The following SCD5 variants were observed in gnomAD, a reference collection of about 807,000 sequenced individuals.
The protein encoded by SCD5 is acyl-CoA-desaturase 4.
A neutral mutation model predicts 30.4 loss-of-function variants in SCD5; 20 were observed. The ratio of observed to expected loss-of-function variants is 0.66; its 90% confidence interval spans 0.46 to 0.96. The LOEUF is 0.96. SCD5 is among the 40% of genes least tolerant of loss of function. SCD5 has a pLI of 0.00. For missense variants in SCD5, 381 were observed against 443.3 expected (o/e 0.86, Z 1.26); for synonymous variants, 173 against 176.4 (o/e 0.98, Z 0.16).
At chr4:82,752,273 T>TTATATATATATATATATATATATA (rs139910934) in intron 1 of SCD5, among the ~76,000 whole-genome samples, 6 of 145,648 alleles carry the variant, frequency 4.1e-5, no homozygotes, top group African/African-American at 1.5e-4. Flanking sequence ...TTTTAAAAAA[T>TTATATATATATATATATATATATA]TATATATATA....
At chr4:82,704,526 T>C (rs1719928542) in intron 2 of SCD5, among the ~76,000 whole-genome samples, 1 of 152,184 alleles carries the variant, frequency 6.6e-6, no homozygotes. Flanking sequence ...TCTTAAAGAA[T>C]ATGGCCCAAT....
At chr4:82,746,953 G>GA (rs1720999220) in intron 1 of SCD5, among the ~76,000 whole-genome samples, 1 of 151,398 alleles carries the variant, frequency 6.6e-6, no homozygotes, top group African/African-American at 2.4e-5. Context: ...CAGACACAAG[G>GA]GCGTCAGGGG....
At chr4:82,666,387 G>A (rs1728188543) in intron 3 of SCD5, among the ~76,000 whole-genome samples, 1 of 152,212 alleles carries the variant, frequency 6.6e-6, no homozygotes, top group African/African-American at 2.4e-5. Context: ...GTGGTGGCGG[G>A]CGCCTGTAGT....
At chr4:82,667,843 T>C (rs181971814) in intron 3 of SCD5, among the ~76,000 whole-genome samples, 1 of 152,156 alleles carries the variant, frequency 6.6e-6, no homozygotes, top group Non-Finnish European at 1.5e-5. Context: ...GGATAAGATG[T>C]AGTGGTTTGA....
intron 1 of SCD5, among the ~76,000 whole-genome samples, chr4:82,718,082 T>TAAA (rs1304266095): frequency 0.014 from 1,999 of 143,084 alleles, 72 homozygotes; most frequent in African/African-American, 0.05. Flanking sequence ...CTTTTTTTTT[T>TAAA]AAAAAAAAAA....
chr4:82,649,584 G>T (rs1403136177), intron 3 of SCD5, among the ~76,000 whole-genome samples: 1 of 152,170 alleles, frequency 6.6e-6, no homozygotes, highest in Non-Finnish European at 1.5e-5. Flanking sequence ...GGTGAGCTGT[G>T]TGTGCCCTTA....
chr4:82,655,044 A>T (rs1226283501), intron 3 of SCD5, among the ~76,000 whole-genome samples: 1 of 152,180 alleles, frequency 6.6e-6, no homozygotes, highest in African/African-American at 2.4e-5. Flanking sequence ...CTTCATGTAG[A>T]CTTCTTCAAG....
rs10701664 is a variant in SCD5 at position 82,702,130 on chromosome 4, C to CTTTTT, written c.363+3148_363+3152dup. Among the ~76,000 whole-genome samples, 631 of 64,086 alleles carry CTTTTT rather than the reference C, an allele frequency of 9.8e-3. 81 individuals carry two copies. Among genetic ancestry groups the CTTTTT allele is most frequent in the Middle Eastern group, 0.05 (3 of 60 alleles). 42.0% of individuals were successfully genotyped at this position (64,086 alleles called of 152,430 possible). On this transcript the variant is annotated intron_variant, in intron 2 of 4. Coordinates refer to ENST00000319540, the MANE Select transcript of SCD5 (RefSeq NM_001037582.3). The stretch of plus-strand genomic sequence containing the variant: ...TCAGGCATTCCTGCCCCATCATCAT[C>CTTTTT]TTTTTTTTTTTTTTTTTTTTTTTTT...
intron 4 of SCD5, among the ~76,000 whole-genome samples, chr4:82,634,491 C>CA (rs976615363): frequency 2.9e-4 from 37 of 128,572 alleles, no homozygotes; most frequent in Non-Finnish European, 5.4e-4. Flanking sequence ...CACCTCCCCC[C>CA]CCCATCATTT....
At chr4:82,707,808 C>T (rs866051125) in intron 1 of SCD5, among the ~76,000 whole-genome samples, 4 of 152,176 alleles carry the variant, frequency 2.6e-5, no homozygotes, top group South Asian at 2.1e-4. Flanking sequence ...AGATTGTAGC[C>T]CTGACCAACA....
chr4:82,796,505 G>A (rs906887528), intron 1 of SCD5, among the ~76,000 whole-genome samples: 2 of 152,156 alleles, frequency 1.3e-5, no homozygotes, highest in African/African-American at 4.8e-5. Flanking sequence ...AAGGGCAGAG[G>A]TGACCTGGCA....
chr4:82,717,748 T>A (rs4569744), intron 1 of SCD5, among the ~76,000 whole-genome samples: 2 of 151,026 alleles, frequency 1.3e-5, no homozygotes, highest in Non-Finnish European at 2.9e-5. Flanking sequence ...AAACCCCATC[T>A]CTACTAAAAA....
At chr4:82,697,331 G>GT (rs922961230) in intron 2 of SCD5, among the ~76,000 whole-genome samples, 2 of 152,228 alleles carry the variant, frequency 1.3e-5, no homozygotes, top group Admixed American at 1.3e-4. Flanking sequence ...AAGTATTGCG[G>GT]TTTTTTTGGT....
In SCD5 at chr4:82,680,887, T is replaced by A; in HGVS notation, c.389A>T (p.Asp130Val). 1 of 1,612,448 alleles carries A rather than the reference T, an allele frequency of 6.2e-7. No homozygotes were observed. The highest frequency in any genetic ancestry group is 1.1e-5 in the South Asian group (1 of 90,998). ...TGAGTACTTGTGGTGGGCTCGGTGG[T>A]CCCTGGACCACTCGAAGATGTCATT... The part of the protein sequence containing the change: ...FQNDIFEWSR[D>V]HRAHHKYSET... The change falls in exon 3 of 5, where the codon GAC becomes GTC. Residue 130 changes from aspartate to valine, a missense_variant. Physicochemically the swap from Asp to Val is radical, Grantham distance 152 (BLOSUM62 -3). Transcript: ENST00000319540.
intron 1 of SCD5, among the ~76,000 whole-genome samples, chr4:82,746,955 C>T (rs896622502): frequency 2.6e-4 from 6 of 23,362 alleles, no homozygotes; most frequent in Admixed American, 1.6e-3. Context: ...GACACAAGGG[C>T]GTCAGGGGGA....
At chr4:82,727,027 T>G (rs1720515179) in intron 1 of SCD5, among the ~76,000 whole-genome samples, 1 of 152,188 alleles carries the variant, frequency 6.6e-6, no homozygotes, top group Non-Finnish European at 1.5e-5. Context: ...TTTTAAATAA[T>G]CATGACAGGA....
intron 2 of SCD5, among the ~76,000 whole-genome samples, chr4:82,696,499 A>C (rs551838798): frequency 1.3e-5 from 2 of 152,244 alleles, no homozygotes; most frequent in African/African-American, 2.4e-5. Flanking sequence ...TCGTATCTTC[A>C]TTAATGTCTG....
intron 3 of SCD5, among the ~76,000 whole-genome samples, chr4:82,653,004 T>C (rs1013529633): frequency 6.6e-6 from 1 of 151,908 alleles, no homozygotes; most frequent in African/African-American, 2.4e-5. Context: ...ATACAAAAAT[T>C]AGCTTGGGTA....
chr4:82,729,868 T>C (rs1720589400), intron 1 of SCD5, among the ~76,000 whole-genome samples: 1 of 152,220 alleles, frequency 6.6e-6, no homozygotes, highest in Non-Finnish European at 1.5e-5. Context: ...CAGAGGAGTC[T>C]ATACAACCAA....
Sources: gnomAD v4.1 joint callset for allele counts (sites outside exome capture counted in the v4.1 genomes callset) on GRCh38, gnomAD v4.1.1 for gene constraint, MANE v1.5 for transcripts, NCBI Gene and HGNC (gene_info 2026-07-23, HGNC 2026-07-21) for gene names.